Variants in ZBTB40 observed in about 807,000 individuals in gnomAD.
ZBTB40 encodes the protein zinc finger and BTB domain-containing protein 40.
In ZBTB40, 60 loss-of-function variants were observed where a neutral mutation model predicts 117.5. The observed-to-expected ratio is 0.51, with a 90% CI of 0.41 to 0.63. The LOEUF (loss-of-function observed/expected upper bound fraction) is 0.63, where lower values mean the gene tolerates loss of function less well. ZBTB40 is among the 30% of genes least tolerant of loss of function. The pLI, the probability that ZBTB40 is intolerant of heterozygous loss-of-function variation, is 0.00. For missense variants in ZBTB40, 1,287 were observed against 1,498.5 expected (o/e 0.86, Z 2.33); for synonymous variants, 525 against 577.1 (o/e 0.91, Z 1.29).
chr1:22,519,842 A>C, intron 13 of ZBTB40: 2 of 618,268 alleles, frequency 3.2e-6, no homozygotes, highest in Non-Finnish European at 5.8e-6. Flanking sequence ...GTTAGTCTTG[A>C]AACCCTGGAG....
At chr1:22,480,125 C>T (rs746302179) in intron 1 of ZBTB40, among the ~76,000 whole-genome samples, 4 of 152,128 alleles carry the variant, frequency 2.6e-5, no homozygotes, top group African/African-American at 7.2e-5. Flanking sequence ...TGGCTGGTCT[C>T]GAACTCCTGA....
chr1:22,502,078 C>T (rs1024733592), intron 4 of ZBTB40, among the ~76,000 whole-genome samples: 2 of 152,218 alleles, frequency 1.3e-5, no homozygotes, highest in African/African-American at 4.8e-5. Context: ...GCTGGCTCTG[C>T]AGCTTTGTGT....
chr1:22,467,894 G>A (rs1265589107), intron 1 of ZBTB40, among the ~76,000 whole-genome samples: 1 of 151,224 alleles, frequency 6.6e-6, no homozygotes, highest in Non-Finnish European at 1.5e-5. Flanking sequence ...AGGAGTTCGC[G>A]AGCAGCCTGG....
At chr1:22,502,946 AC>A (rs1638982417) in intron 5 of ZBTB40, among the ~76,000 whole-genome samples, 1 of 152,164 alleles carries the variant, frequency 6.6e-6, no homozygotes, top group South Asian at 2.1e-4. Context: ...CAGAGATGAC[AC>A]TGCTAACAGG....
At position 22,497,022 on chromosome 1, in the gene ZBTB40, A is replaced by C. The variant is rs115095313; in HGVS notation, c.832-4470A>C. Among the ~76,000 whole-genome samples the C allele has an allele frequency of 2.2e-3, 336 of 152,310 alleles. 2 individuals carry two copies. Among genetic ancestry groups the C allele is most frequent in the African/African-American group, 7.7e-3 (318 of 41,566 alleles). ...CCACCGGTGTAAGTCCAAGAATGCAAATGCTGAAGAACTTGGAGCCTGATG... is the reference window on the plus strand; with the variant it reads ...CCACCGGTGTAAGTCCAAGAATGCACATGCTGAAGAACTTGGAGCCTGATG... On this transcript the variant is annotated intron_variant, in intron 3 of 17. Transcript: ENST00000375647.
At chr1:22,460,108 C>T (rs2124387567) in intron 1 of ZBTB40, among the ~76,000 whole-genome samples, 1 of 152,314 alleles carries the variant, frequency 6.6e-6, no homozygotes, top group African/African-American at 2.4e-5. Flanking sequence ...CCTAAATCTC[C>T]TTCTTTTGTC....
chr1:22,496,698 C>A (rs548462804), intron 3 of ZBTB40, among the ~76,000 whole-genome samples: 33 of 152,306 alleles, frequency 2.2e-4, no homozygotes, highest in Non-Finnish European at 4.3e-4. Flanking sequence ...GACCTGGGTT[C>A]TTTCTCCCTG....
At chr1:22,516,771 A>G (rs1330160646) in intron 12 of ZBTB40, among the ~76,000 whole-genome samples, 1 of 152,114 alleles carries the variant, frequency 6.6e-6, no homozygotes, top group African/African-American at 2.4e-5. Flanking sequence ...CACATTTTCT[A>G]ATAATCTTTG....
intron 1 of ZBTB40, among the ~76,000 whole-genome samples, chr1:22,468,465 CTTTTT>C (rs555995462): frequency 1.7e-4 from 9 of 51,722 alleles, no homozygotes; most frequent in African/African-American, 9.5e-4. Flanking sequence ...TTAATGTTTC[CTTTTT>C]TTTTTTTTTT....
In ZBTB40 at chr1:22,506,929, A is replaced by G. The variant is rs566706090; in HGVS notation, c.1360+688A>G. Among the ~76,000 whole-genome samples, 4 of 152,312 alleles carry G rather than the reference A, an allele frequency of 2.6e-5. No individual in the cohort carries two copies. In the East Asian group the frequency reaches 7.7e-4, roughly 29 times the overall value. ...ATGTTTTATCTATCACTTTTATAAT[A>G]TTGAGATACTTTCATATTGTATAAT... On this transcript the variant is annotated intron_variant, in intron 6 of 17. Transcript: ENST00000375647.
chr1:22,494,605 C>G (rs937807590), intron 3 of ZBTB40, among the ~76,000 whole-genome samples: 2 of 152,202 alleles, frequency 1.3e-5, no homozygotes, highest in African/African-American at 4.8e-5. Context: ...GCTTACAAAA[C>G]TCTTAGTGTG....
At chr1:22,447,295 G>A (rs1352608931), upstream of ZBTB40, among the ~76,000 whole-genome samples, 2 of 152,158 alleles carry the variant, frequency 1.3e-5, no homozygotes, top group African/African-American at 4.8e-5. Context: ...TATGAAAAGT[G>A]GTTGCAGGGG....
intron 6 of ZBTB40, among the ~76,000 whole-genome samples, chr1:22,507,789 G>A (rs752364357): frequency 3.3e-5 from 5 of 152,170 alleles, no homozygotes; most frequent in Admixed American, 2.0e-4. Flanking sequence ...CTTTCAAAGC[G>A]TTAACGGCTT....
intron 3 of ZBTB40, among the ~76,000 whole-genome samples, chr1:22,495,554 C>T (rs1638751257): frequency 6.6e-6 from 1 of 151,978 alleles, no homozygotes; most frequent in South Asian, 2.1e-4. Flanking sequence ...CTCTGTTGCC[C>T]AGGCTGGAGT....
rs569527509 is a variant in ZBTB40, at chr1:22,473,524, G to A, written c.-69-16356G>A. Among the ~76,000 whole-genome samples the A allele has an allele frequency of 2.3e-4, 35 of 152,310 alleles. 2 individuals carry two copies. In the South Asian group the frequency reaches 6.8e-3, roughly 30 times the overall value. On this transcript the variant is annotated intron_variant, in intron 1 of 17. Transcript: ENST00000375647. ...GGTACTTAAATATCAGTAGCTATTA[G>A]TGGTTATTTGATAAATAATATTCTA...
rs1638598431 is a variant in ZBTB40 at position 22,490,523 on chromosome 1, C to T, written c.575C>T (p.Thr192Ile). The change falls in exon 2 of 18, where the codon ACA (threonine) becomes ATA (isoleucine). Residue 192 changes from threonine to isoleucine, a missense_variant. Coordinates refer to ENST00000375647, the MANE Select transcript of ZBTB40 (RefSeq NM_014870.4). ...CAAGAGATGAGTGTGAATTCTCCCA[C>T]AGCCCAGGAGAGCCAGAGGAATGCA... ...VSQEMSVNSP[T>I]AQESQRNAET... 1.2e-6 allele frequency: 2 copies of T among 1,607,166 alleles called. No individual in the cohort carries two copies. The highest frequency in any genetic ancestry group is 1.1e-5 in the South Asian group (1 of 90,456).
intron 1 of ZBTB40, among the ~76,000 whole-genome samples, chr1:22,439,153 A>C (rs185469788): frequency 3.3e-5 from 5 of 152,342 alleles, no homozygotes; most frequent in Admixed American, 3.3e-4. Context: ...GGCGTGAGCC[A>C]CCATGCCTGG....
At chr1:22,445,815 A>G (rs892987230) in intron 1 of ZBTB40, among the ~76,000 whole-genome samples, 2 of 149,536 alleles carry the variant, frequency 1.3e-5, no homozygotes, top group African/African-American at 4.9e-5. Context: ...AGATCACACC[A>G]CTGCACTCCA....
intron 10 of ZBTB40, 87 bp from the exon 11 acceptor site, chr1:22,511,589 G>A: frequency 1.4e-6 from 2 of 1,434,526 alleles, no homozygotes; most frequent in Non-Finnish European, 1.9e-6. Flanking sequence ...GTAGTCTCTA[G>A]TCTCCTGTAA....
Sources: gnomAD v4.1 joint callset for allele counts (sites outside exome capture counted in the v4.1 genomes callset) on GRCh38, gnomAD v4.1.1 for gene constraint, MANE v1.5 for transcripts, NCBI Gene and HGNC (gene_info 2026-07-23, HGNC 2026-07-21) for gene names.